The following TTN variants were observed in gnomAD, a reference collection of about 807,000 sequenced individuals.
The protein encoded by TTN is connectin.
TTN carries 1,525 observed loss-of-function variants against 3,223.0 expected under a neutral mutation model. The ratio of observed to expected loss-of-function variants is 0.47; its 90% CI spans 0.45 to 0.49. TTN has a LOEUF of 0.49. Ranked by LOEUF, TTN falls within the 20% of genes least tolerant of loss-of-function variation. The probability of loss-of-function intolerance (pLI) is 0.00; values close to 1 mark genes in which losing one functional copy is unlikely to be tolerated. For synonymous variants in TTN, 14,094 were observed against 15,161.0 expected (o/e 0.93, Z 5.17); for missense variants, 40,786 against 43,424.0 (o/e 0.94, Z 5.40).
intron 98 of TTN, 79 bp from the exon 99 acceptor site, chr2:178,709,935 CT>C: frequency 7.0e-7 from 1 of 1,429,900 alleles, no homozygotes; most frequent in Non-Finnish European, 9.4e-7. Context: ...AAAAAAAACC[CT>C]CATATTTTTA....
At chr2:178,792,239 C>T (rs1401453257) in intron 9 of TTN, 42 bp from the exon 10 acceptor site, 3 of 1,569,740 alleles carry the variant, frequency 1.9e-6, no homozygotes, top group South Asian at 2.3e-5. Flanking sequence ...TTCCTGATGC[C>T]CAATGAAATA....
chr2:178,632,650 T>G lies in TTN; in HGVS notation c.43356A>C (p.Arg14452Ser), dbSNP rs374231453. The change falls in exon 235 of 363, where the codon AGA becomes AGC. Residue 14452 changes from arginine (R) to serine (S), a missense_variant. Arg to Ser is a moderately radical substitution (Grantham distance 110). Transcript: ENST00000589042. ...KGTQEITGDD[R>S]FELIKDGTKH... ...TAGTGCCATCCTTTATAAGCTCAAA[T>G]CTGTCATCACCTGTGATTTCCTGGG... The G allele has an allele frequency of 6.2e-7, 1 of 1,613,502 alleles. No homozygotes were observed. The highest frequency in any genetic ancestry group is 8.5e-7 in the Non-Finnish European group (1 of 1,179,576).
intron 99 of TTN, 67 bp downstream of exon 99, chr2:178,709,499 A>G (rs979290180): frequency 1.6e-5 from 24 of 1,483,650 alleles, no homozygotes; most frequent in Non-Finnish European, 2.1e-5. Context: ...ATCATAAGAA[A>G]TGCTCATGGA....
At position 178,561,747 on chromosome 2, in the gene TTN, C is replaced by A. The variant is rs752974639; in HGVS notation, c.84385G>T (p.Val28129Phe). Residue 28129 changes from valine (V) to phenylalanine (F), a missense_variant, in exon 326 of 363, where the codon GTT becomes TTT. Coordinates refer to ENST00000589042, the MANE Select transcript of TTN (RefSeq NM_001267550.2). ...TTTCCATAGCGGTTTTCTGCACAAA[C>A]ACGGAACTGATACTCACTTCCTGTT... ...LTTGSEYQFR[V>F]CAENRYGKSS... 114 of 1,613,330 alleles carry A rather than the reference C, an allele frequency of 7.1e-5. No individual in the cohort carries two copies. The highest frequency in any genetic ancestry group is 1.5e-4 in the Admixed American group (9 of 59,958).
chr2:178,674,807 G>A (rs1049516056), intron 150 of TTN, among the ~76,000 whole-genome samples: 1 of 151,404 alleles, frequency 6.6e-6, no homozygotes, highest in African/African-American at 2.4e-5. Flanking sequence ...TTCCCTTCAT[G>A]AATTCTAATT....
chr2:178,615,829 A>T, intron 257 of TTN, 41 bp from the exon 258 acceptor site: 1 of 1,565,796 alleles, frequency 6.4e-7, no homozygotes, highest in Non-Finnish European at 8.6e-7. Context: ...TTTCCAAAAA[A>T]CCCTTTCGCC....
intron 350 of TTN, among the ~76,000 whole-genome samples, chr2:178,540,706 G>A (rs1044474442): frequency 1.3e-5 from 2 of 152,140 alleles, no homozygotes; most frequent in African/African-American, 2.4e-5. Flanking sequence ...TGAGGCAGAA[G>A]AATTGCTTGA....
intron 79 of TTN, 59 bp from the exon 80 acceptor site, chr2:178,720,722 A>T: frequency 6.7e-7 from 1 of 1,481,944 alleles, no homozygotes; most frequent in Non-Finnish European, 8.9e-7. Context: ...GGAAAAAAAA[A>T]TTAAATCTAG....
rs548460016 is a variant in TTN at position 178,588,834 on chromosome 2, G to T, written c.62891C>A (p.Pro20964His). 9.9e-6 allele frequency: 16 copies of T among 1,613,352 alleles called. No individual in the cohort carries two copies. The highest frequency in any genetic ancestry group is 1.3e-5 in the Non-Finnish European group (15 of 1,179,590). ...GACTTCTGGGGGATCAGGGCGACCA[G>T]GTTTATCATACTTGGTTTTGGCTAT... is the stretch of plus-strand genomic sequence containing the variant. The part of the protein sequence containing the change: ...PVIAKTKYDK[P>H]GRPDPPEVTK... Residue 20964 changes from proline (P) to histidine (H), a missense_variant, in exon 304 of 363, where the codon CCT (proline) becomes CAT (histidine). Transcript: ENST00000589042.
Position 178,785,661 on chromosome 2 carries a change from C to G in TTN, c.2452G>C (p.Val818Leu). 1 of 1,614,106 alleles carries G rather than the reference C, an allele frequency of 6.2e-7. No individual in the cohort carries two copies. Among genetic ancestry groups the G allele is most frequent in the Non-Finnish European group, 8.5e-7 (1 of 1,179,988 alleles). Residue 818 changes from valine (V) to leucine (L), a missense_variant, in exon 15 of 363, where the codon GTT becomes CTT. Transcript: ENST00000589042. ...RPRTASPHFT[V>L]SKISVPKTEH... ...GTCTTAGGAACAGAAATTTTTGAAA[C>G]AGTAAAGTGAGGGCTAGCTGTGCGG...
At chr2:178,651,146 C>G in intron 208 of TTN, 97 bp downstream of exon 208, 1 of 1,026,878 alleles carries the variant, frequency 9.7e-7, no homozygotes, top group South Asian at 1.7e-5. Flanking sequence ...TTTGTAGTTG[C>G]AAATTTAAGA....
At chr2:178,770,928 C>A (rs886541690) in intron 34 of TTN, 2 of 770,734 alleles carry the variant, frequency 2.6e-6, no homozygotes, top group Non-Finnish European at 4.6e-6. Flanking sequence ...GTATTAGCAG[C>A]ATAATAGACT....
Position 178,581,928 on chromosome 2 carries a change from G to A in TTN, c.66441C>T (p.Ala22147=), listed in dbSNP as rs727503578. The A allele has an allele frequency of 6.2e-6, 10 of 1,613,002 alleles. No individual in the cohort carries two copies. The highest frequency in any genetic ancestry group is 4.0e-5 in the African/African-American group (3 of 74,848). The change falls in exon 315 of 363, where the codon GCC becomes GCT. Residue 22147 remains alanine (A), a synonymous_variant. Coordinates refer to ENST00000589042, the MANE Select transcript of TTN (RefSeq NM_001267550.2). The part of the protein sequence containing the change: ...GPGKPSDASK[A]AYARDPQYPP... Reference sequence around the variant, plus strand: ...TACACTGAGGGTCCCGAGCATAAGCGGCCTTGGATGCGTCACTGGGTTTGC... The same window carrying A: ...TACACTGAGGGTCCCGAGCATAAGCAGCCTTGGATGCGTCACTGGGTTTGC...
Position 178,636,557 on chromosome 2 carries a change from TA to T in TTN, c.41169del (p.Ser13724AlafsTer52), listed in dbSNP as rs780861404. The T allele has an allele frequency of 6.2e-7, 1 of 1,613,506 alleles. No homozygotes were observed. Among genetic ancestry groups the T allele is most frequent in the Non-Finnish European group, 8.5e-7 (1 of 1,179,612 alleles). ...STAITTWMKD[G>X]SNIRESPKHR... Reference sequence around the variant, plus strand: ...TGCTTGGGACTCTCACGGATATTGCTACCGTCTTTCATCCAGGTTGTAATTG... The same window carrying T: ...TGCTTGGGACTCTCACGGATATTGCTCCGTCTTTCATCCAGGTTGTAATTG... On this transcript the variant is annotated frameshift_variant, in exon 225 of 363. Transcript: ENST00000589042. LOFTEE classifies it high-confidence loss of function. The surrounding 1 kb of genome is among the most constrained non-coding windows in gnomAD (Gnocchi z 4.3).
In TTN at chr2:178,618,063, A is replaced by C. The variant is rs2154209220; in HGVS notation, c.47288T>G (p.Leu15763Trp). ...ATTCACATCAGTGATGGTTACATTC[A>C]AAGGAGGGCCTGGAACATCTGGATT... Reference protein sequence around the residue: ...RSKYDVPGPPLNVTITDVNRF... With the variant: ...RSKYDVPGPPWNVTITDVNRF... Residue 15763 changes from leucine to tryptophan, a missense_variant, in exon 253 of 363, where the codon TTG (leucine) becomes TGG (tryptophan). By Grantham distance (61) the Leu-to-Trp change is moderately conservative. Coordinates refer to ENST00000589042, the MANE Select transcript of TTN (RefSeq NM_001267550.2). 1 of 1,612,282 alleles carries C rather than the reference A, an allele frequency of 6.2e-7. No homozygotes were observed. Among genetic ancestry groups the C allele is most frequent in the Non-Finnish European group, 8.5e-7 (1 of 1,179,062 alleles).
intron 1 of TTN, among the ~76,000 whole-genome samples, chr2:178,805,972 A>T (rs1302730776): frequency 6.6e-6 from 1 of 152,244 alleles, no homozygotes; most frequent in Non-Finnish European, 1.5e-5. Flanking sequence ...ATTATTCAAC[A>T]TGACTATTCT....
chr2:178,717,485 G>A, intron 87 of TTN, 38 bp downstream of exon 87: 1 of 1,565,382 alleles, frequency 6.4e-7, no homozygotes, highest in Non-Finnish European at 8.6e-7. Context: ...GAGCAGTGAA[G>A]CTGCTTTACA....
chr2:178,645,609 A>G (rs1410105189), intron 217 of TTN: 1 of 198,378 alleles, frequency 5.0e-6, no homozygotes, highest in Non-Finnish European at 1.0e-5. Flanking sequence ...ATGTATAGCA[A>G]TCAGGCTTTG....
Position 178,588,900 on chromosome 2 carries a change from T to C in TTN, c.62825A>G (p.Asn20942Ser), listed in dbSNP as rs769163040. ...NEYIFRVRAE[N>S]KIGTGPPTES... ...TGTTGGAGGCCCTGTGCCTATTTTA[T>C]TTTCTGCACGGACTCTGAAAATATA... The change falls in exon 304 of 363, where the codon AAT (asparagine) becomes AGT (serine). Residue 20942 changes from asparagine (N) to serine (S), a missense_variant. Asn to Ser is a conservative substitution (Grantham distance 46). Transcript: ENST00000589042. 28 of 1,612,992 alleles carry C rather than the reference T, an allele frequency of 1.7e-5. No individual in the cohort carries two copies. The South Asian group carries it at 3.0e-4, about 17-fold the overall frequency.
Sources: allele counts gnomAD v4.1 joint callset (sites outside exome capture counted in the v4.1 genomes callset), GRCh38; gene constraint gnomAD v4.1.1; non-coding constraint Gnocchi (gnomAD v3.1); transcripts MANE v1.5; gene names NCBI Gene and HGNC (gene_info 2026-07-23, HGNC 2026-07-21).